Variants in SIDT1 observed in about 807,000 individuals in gnomAD.
SIDT1 encodes SID1 transmembrane family member 1.
In SIDT1, 101 loss-of-function variants were observed where a neutral mutation model predicts 107.5. The observed-to-expected ratio is 0.94, with a 90% CI of 0.80 to 1.11. The LOEUF (loss-of-function observed/expected upper bound fraction) is 1.11. Among genes scored for constraint, SIDT1 ranks in the 50% least tolerant of loss-of-function variants. The probability of loss-of-function intolerance (pLI) is 0.00; values close to 1 mark genes in which losing one functional copy is unlikely to be tolerated. For synonymous variants in SIDT1, 395 were observed against 398.2 expected (o/e 0.99, Z 0.10); for missense variants, 1,076 against 1,058.2 (o/e 1.02, Z -0.23).
chr3:113,580,532 A>G, intron 4 of SIDT1, 76 bp from the exon 5 acceptor site: 1 of 862,668 alleles, frequency 1.2e-6, no homozygotes, highest in South Asian at 1.4e-5. Context: ...TTACGTATAA[A>G]TTTTGTGCCT....
intron 1 of SIDT1, among the ~76,000 whole-genome samples, chr3:113,546,270 A>G (rs1026673682): frequency 1.3e-5 from 2 of 152,212 alleles, no homozygotes; most frequent in African/African-American, 4.8e-5. Context: ...AATTTTTTTA[A>G]CTATAGACAA....
At chr3:113,617,867 C>T (rs533194618) in intron 20 of SIDT1, among the ~76,000 whole-genome samples, 2 of 152,184 alleles carry the variant, frequency 1.3e-5, no homozygotes, top group African/African-American at 4.8e-5. Context: ...CAGCCTCCCC[C>T]ACTATTGACA....
downstream of SIDT1, chr3:113,629,680 C>T (rs1947064409): frequency 6.6e-6 from 1 of 152,240 alleles, no homozygotes; most frequent in Admixed American, 6.5e-5. Flanking sequence ...TCAAGTCGCC[C>T]TGTGGCTGAA....
chr3:113,616,043 G>A (rs2107762338), intron 19 of SIDT1, 57 bp from the exon 20 acceptor site: 2 of 1,200,654 alleles, frequency 1.7e-6, no homozygotes, highest in East Asian at 2.3e-5. Context: ...GGCCACTTCA[G>A]AGTATTTGTA....
At chr3:113,601,690 G>A (rs766869711) in intron 11 of SIDT1, 31 bp downstream of exon 11, 8 of 1,520,238 alleles carry the variant, frequency 5.3e-6, no homozygotes, top group Non-Finnish European at 7.3e-6. Flanking sequence ...TCATGAAAGT[G>A]TTTCCTAATT....
intron 6 of SIDT1, among the ~76,000 whole-genome samples, chr3:113,583,030 T>G (rs1943476648): frequency 6.6e-6 from 1 of 152,216 alleles, no homozygotes; most frequent in Non-Finnish European, 1.5e-5. Context: ...CTGCTGAGTG[T>G]GTCCATTTTA....
In SIDT1 at chr3:113,625,340, TG is replaced by T. The variant is rs371890931; in HGVS notation, c.2308-761del. ...TTTTAGTAGAGACGGGGTTTCACCA[TG>T]TTGGCCAGGCTGGTCTCAAACTCCT... On this transcript the variant is annotated intron_variant, in intron 23 of 24. Coordinates refer to ENST00000264852, the MANE Select transcript of SIDT1 (RefSeq NM_017699.3). Among the ~76,000 whole-genome samples the T allele has an allele frequency of 8.0e-3, 1,212 of 152,262 alleles. 19 individuals are homozygous for T. Among genetic ancestry groups the T allele is most frequent in the African/African-American group, 0.028 (1,159 of 41,536 alleles).
chr3:113,554,508 G>T (rs1940623695), intron 1 of SIDT1, among the ~76,000 whole-genome samples: 1 of 152,118 alleles, frequency 6.6e-6, no homozygotes, highest in Admixed American at 6.6e-5. Context: ...GCTTTATAAA[G>T]AGCAGTTCCC....
intron 23 of SIDT1, among the ~76,000 whole-genome samples, chr3:113,624,486 A>T (rs536853083): frequency 6.6e-6 from 1 of 152,140 alleles, no homozygotes; most frequent in East Asian, 1.9e-4. Context: ...ATCACATTTT[A>T]TCTACCTGCT....
At chr3:113,612,312 A>T in intron 19 of SIDT1, 118 bp downstream of exon 19, 1 of 752,914 alleles carries the variant, frequency 1.3e-6, no homozygotes, top group Non-Finnish European at 2.4e-6. Context: ...CATGCTCTGA[A>T]TTCTATGCCA....
chr3:113,585,380 T>C (rs1943668989), intron 9 of SIDT1, 110 bp downstream of exon 9: 4 of 801,804 alleles, frequency 5.0e-6, no homozygotes, highest in African/African-American at 1.7e-5. Flanking sequence ...CCTCAGCCAC[T>C]AGCAATGTGA....
At chr3:113,535,284 T>G (rs1251301781) in intron 1 of SIDT1, among the ~76,000 whole-genome samples, 7 of 152,140 alleles carry the variant, frequency 4.6e-5, no homozygotes, top group African/African-American at 1.7e-4. Context: ...CAAAATGTTT[T>G]TTTTTTTAAA....
intron 1 of SIDT1, among the ~76,000 whole-genome samples, chr3:113,547,116 T>C (rs1171539614): frequency 6.6e-6 from 1 of 152,128 alleles, no homozygotes; most frequent in Non-Finnish European, 1.5e-5. Flanking sequence ...ATTTTGAATG[T>C]TCCCAACACA....
At chr3:113,616,233 G>A in intron 20 of SIDT1, 57 bp downstream of exon 20, 2 of 1,368,770 alleles carry the variant, frequency 1.5e-6, no homozygotes, top group Non-Finnish European at 1.0e-6. Context: ...GGAATAGTAG[G>A]AGGAACAGGC....
chr3:113,622,463 CAAAAAAAAAAAAAA>C (rs765265068), intron 21 of SIDT1, among the ~76,000 whole-genome samples: 1 of 57,988 alleles, frequency 1.7e-5, no homozygotes, highest in Non-Finnish European at 3.2e-5. Flanking sequence ...GACTCCATCT[CAAAAAAAAAAAAAA>C]AAAAAAAAAA....
At chr3:113,626,034 G>A (rs1946826715) in intron 23 of SIDT1, 68 bp from the exon 24 acceptor site, 1 of 1,089,942 alleles carries the variant, frequency 9.2e-7, no homozygotes, top group African/African-American at 1.6e-5. Flanking sequence ...GTGGCTTTCT[G>A]GACGTTCAAC....
At chr3:113,566,154 C>T (rs1029345562) in intron 1 of SIDT1, among the ~76,000 whole-genome samples, 6 of 152,140 alleles carry the variant, frequency 3.9e-5, no homozygotes, top group African/African-American at 1.4e-4. Flanking sequence ...ATTTAGGCAT[C>T]ATTTTAAAAA....
chr3:113,628,674 T>C lies in SIDT1; in HGVS notation c.*966T>C, dbSNP rs1947003674. The C allele has an allele frequency of 1.3e-5, 2 of 152,294 alleles. No individual in the cohort carries two copies. The allele number at this position is 152,294 out of a possible 1,614,324, so 9.4% of individuals were successfully genotyped here. Reference sequence around the variant, plus strand: ...CTCCCATTCACACAGCTCAGTTCTGTGCCCACATCACCTTTGGGGAAGAAA... The same window carrying C: ...CTCCCATTCACACAGCTCAGTTCTGCGCCCACATCACCTTTGGGGAAGAAA... On this transcript the variant is annotated 3_prime_UTR_variant, in exon 25 of 25. Transcript: ENST00000264852.
Position 113,603,140 on chromosome 3 carries a change from T to C in SIDT1, c.1253T>C (p.Ile418Thr). ...GACATTGAGAGTGATAAAAACATCA[T>C]CCGGACCAAGGTACCCACTCTGCCT... ...MPDIESDKNI[I>T]RTKMFLYLSD... The change falls in exon 12 of 25, where the codon ATC becomes ACC. Residue 418 changes from isoleucine (I) to threonine (T), a missense_variant. By Grantham distance (89) the Ile-to-Thr change is moderately conservative. Coordinates refer to ENST00000264852, the MANE Select transcript of SIDT1 (RefSeq NM_017699.3). 1.2e-6 allele frequency: 2 copies of C among 1,613,546 alleles called. No homozygotes were observed. The highest frequency in any genetic ancestry group is 1.7e-6 in the Non-Finnish European group (2 of 1,179,688).
Sources: gnomAD v4.1 joint callset for allele counts (sites outside exome capture counted in the v4.1 genomes callset) on GRCh38, gnomAD v4.1.1 for gene constraint, MANE v1.5 for transcripts, NCBI Gene and HGNC (gene_info 2026-07-23, HGNC 2026-07-21) for gene names.